The following ARL3 variants were observed in gnomAD, a reference collection of about 807,000 sequenced individuals.
ARL3 encodes ARF like GTPase 3.
A neutral mutation model predicts 26.0 loss-of-function variants in ARL3; 9 were observed. The observed-to-expected ratio is 0.35, with a 90% CI of 0.21 to 0.60. ARL3 has a LOEUF of 0.60. Ranked by LOEUF, ARL3 falls within the 20% of genes least tolerant of loss-of-function variation. ARL3 has a pLI of 0.78. For synonymous variants in ARL3, 71 were observed against 78.4 expected (o/e 0.91, Z 0.50); for missense variants, 158 against 215.7 (o/e 0.73, Z 1.67).
chr10:102,680,883 C>T lies in ARL3; in HGVS notation c.502-3942G>A, dbSNP rs987807503. The stretch of plus-strand genomic sequence containing the variant: ...GATGCTGCTTCCATCAAATATGGCT[C>T]GCTATTAGTAGTTTTTTTTTCTGGT... On this transcript the variant is annotated intron_variant, in intron 5 of 5. Coordinates refer to ENST00000260746, the MANE Select transcript of ARL3 (RefSeq NM_004311.4). Among the ~76,000 whole-genome samples the T allele has an allele frequency of 1.4e-4, 22 of 152,160 alleles. 1 individual carries two copies. The highest frequency in any genetic ancestry group is 1.3e-3 in the Admixed American group (20 of 15,272).
chr10:102,712,034 T>C (rs1156892072), intron 1 of ARL3, among the ~76,000 whole-genome samples: 1 of 151,866 alleles, frequency 6.6e-6, no homozygotes, highest in African/African-American at 2.4e-5. Context: ...AAATAATTAC[T>C]GAATGAAGGA....
intron 3 of ARL3, among the ~76,000 whole-genome samples, chr10:102,695,548 G>GT (rs1302105040): frequency 1.3e-5 from 2 of 151,942 alleles, no homozygotes; most frequent in African/African-American, 4.8e-5. Flanking sequence ...TTTGAGACTT[G>GT]TTTTTTGTTT....
intron 3 of ARL3, among the ~76,000 whole-genome samples, chr10:102,692,468 T>C (rs1289503136): frequency 3.3e-5 from 5 of 152,140 alleles, no homozygotes. Context: ...CAGGCTGGAG[T>C]GCAGTAGTGT....
chr10:102,692,410 T>C (rs909614373), intron 3 of ARL3, among the ~76,000 whole-genome samples: 3 of 152,218 alleles, frequency 2.0e-5, no homozygotes, highest in Non-Finnish European at 2.9e-5. Context: ...TTTTGAAACA[T>C]GTATACACTT....
At chr10:102,686,800 G>A (rs1037379650) in intron 4 of ARL3, among the ~76,000 whole-genome samples, 3 of 149,046 alleles carry the variant, frequency 2.0e-5, no homozygotes, top group Non-Finnish European at 4.4e-5. Context: ...GATTCCCCTG[G>A]CAGATTCCTG....
chr10:102,708,908 A>ATATATTTTTTTTTTT, intron 1 of ARL3, among the ~76,000 whole-genome samples: 1 of 95,350 alleles, frequency 1.0e-5, no homozygotes, highest in African/African-American at 4.2e-5. Context: ...ATATATATAT[A>ATATATTTTTTTTTTT]TTTTTTTTTT....
chr10:102,674,251 A>C lies in ARL3; in HGVS notation c.*2643T>G, dbSNP rs1172076308. 2.0e-5 allele frequency: 3 copies of C among 152,328 alleles called. No homozygotes were observed. Among genetic ancestry groups the C allele is most frequent in the Non-Finnish European group, 4.4e-5 (3 of 68,084 alleles). The allele number at this position is 152,328 out of a possible 1,614,324, so 9.4% of individuals were successfully genotyped here. ...TGGCACATTTCTAACCGCCGGCATA[A>C]TCGCTGACTTTCAGCTGTGCACCGA... On this transcript the variant is annotated 3_prime_UTR_variant, in exon 6 of 6. Coordinates refer to ENST00000260746, the MANE Select transcript of ARL3 (RefSeq NM_004311.4).
intron 2 of ARL3, among the ~76,000 whole-genome samples, chr10:102,699,897 AAC>A (rs1158762065): frequency 6.6e-6 from 1 of 152,252 alleles, no homozygotes; most frequent in Non-Finnish European, 1.5e-5. Flanking sequence ...AACAGGAAAG[AAC>A]ACAAGCTAAA....
intron 3 of ARL3, among the ~76,000 whole-genome samples, chr10:102,694,803 C>G (rs1481605764): frequency 6.6e-6 from 1 of 152,172 alleles, no homozygotes; most frequent in Non-Finnish European, 1.5e-5. Flanking sequence ...ACTGCAACCT[C>G]TGCCTCCTGG....
Position 102,685,719 on chromosome 10 carries a change from T to G in ARL3, c.501+97A>C, listed in dbSNP as rs543360420. On this transcript the variant is annotated intron_variant, in intron 5 of 5. Coordinates refer to ENST00000260746, the MANE Select transcript of ARL3 (RefSeq NM_004311.4). The stretch of plus-strand genomic sequence containing the variant: ...CCTCCATGCCCTTCATATCTTGGAA[T>G]GGCTCATCTGCCCATCAAGATCAGC... The G allele has an allele frequency of 3.2e-4, 414 of 1,274,114 alleles. 5 individuals carry two copies. The South Asian group carries it at 5.9e-3, about 18-fold the overall frequency. 78.9% of individuals were successfully genotyped at this position (1,274,114 alleles called of 1,614,324 possible). A position where few individuals can be genotyped will look rare whatever the true frequency, so the allele number is the denominator to read the frequency against.
At chr10:102,700,310 G>A (rs1000734928) in intron 2 of ARL3, among the ~76,000 whole-genome samples, 34 of 149,704 alleles carry the variant, frequency 2.3e-4, no homozygotes, top group African/African-American at 7.6e-4. Flanking sequence ...TCAGGATGCC[G>A]AGGCAAGAGA....
intron 3 of ARL3, among the ~76,000 whole-genome samples, chr10:102,691,194 C>T (rs2064215448): frequency 6.6e-6 from 1 of 151,932 alleles, no homozygotes; most frequent in African/African-American, 2.4e-5. Context: ...CATGTGTATA[C>T]ATGTGCCATG....
chr10:102,679,216 C>G (rs1377087487), intron 5 of ARL3, among the ~76,000 whole-genome samples: 2 of 152,204 alleles, frequency 1.3e-5, no homozygotes, highest in African/African-American at 4.8e-5. Flanking sequence ...GGCCATGGAT[C>G]TAGCTGGGGC....
rs1200093552 is a variant in ARL3 at position 102,676,247 on chromosome 10, T to C, written c.*647A>G. 1 of 145,862 alleles carries C rather than the reference T, an allele frequency of 6.9e-6. No individual in the cohort carries two copies. Among genetic ancestry groups the C allele is most frequent in the East Asian group, 2.0e-4 (1 of 4,952 alleles). 9.0% of individuals were successfully genotyped at this position (145,862 alleles called of 1,614,324 possible). The stretch of plus-strand genomic sequence containing the variant: ...GATGGGGTATGTTTCTGTAGTGACT[T>C]GTCTGCAAGAAAGACTTTTTTTTTT... On this transcript the variant is annotated 3_prime_UTR_variant, in exon 6 of 6. Transcript: ENST00000260746.
intron 5 of ARL3, among the ~76,000 whole-genome samples, chr10:102,679,222 GGGGCAAGCTTTGTCAATCACATCA>G (rs1352878040): frequency 3.3e-5 from 5 of 152,176 alleles, no homozygotes; most frequent in African/African-American, 1.2e-4. Flanking sequence ...GGATCTAGCT[GGGGCAAGCTTTGTCAATCACATCA>G]GGGCAAGCTT....
At chr10:102,709,405 T>C (rs760180957) in intron 1 of ARL3, among the ~76,000 whole-genome samples, 13 of 149,274 alleles carry the variant, frequency 8.7e-5, no homozygotes, top group Non-Finnish European at 8.9e-5. Flanking sequence ...TTTGGGAGGC[T>C]GAGGCAGGAG....
intron 3 of ARL3, among the ~76,000 whole-genome samples, chr10:102,693,926 C>T (rs1256664659): frequency 2.6e-5 from 4 of 152,102 alleles, no homozygotes; most frequent in African/African-American, 7.2e-5. Flanking sequence ...CCTCCCACCT[C>T]GGCCTCCCAA....
chr10:102,679,458 A>C (rs2064144620), intron 5 of ARL3, among the ~76,000 whole-genome samples: 1 of 152,216 alleles, frequency 6.6e-6, no homozygotes, highest in South Asian at 2.1e-4. Context: ...ATCACAGCTG[A>C]GGAGATGAAG....
At chr10:102,685,016 C>T (rs531373252) in intron 5 of ARL3, among the ~76,000 whole-genome samples, 16 of 150,734 alleles carry the variant, frequency 1.1e-4, no homozygotes, top group African/African-American at 3.4e-4. Flanking sequence ...GGGAGGCTGA[C>T]GCAGGCAGAT....
Sources: gnomAD v4.1 joint callset for allele counts (sites outside exome capture counted in the v4.1 genomes callset) on GRCh38, gnomAD v4.1.1 for gene constraint, MANE v1.5 for transcripts, NCBI Gene and HGNC (gene_info 2026-07-23, HGNC 2026-07-21) for gene names.